The following ANXA8 variants were observed in gnomAD, a reference collection of about 807,000 sequenced individuals.
ANXA8 encodes VAC-beta.
A neutral mutation model predicts 26.8 loss-of-function variants in ANXA8; 9 were observed. The observed-to-expected ratio is 0.34, with a 90% CI of 0.20 to 0.59. The LOEUF is 0.59. Among genes scored for constraint, ANXA8 ranks in the 20% least tolerant of loss-of-function variants. The pLI, the probability that ANXA8 is intolerant of heterozygous loss-of-function variation, is 0.84. For synonymous variants in ANXA8, 39 were observed against 94.8 expected, an observed-to-expected ratio of 0.41 and a Z score of 3.42; for missense variants, 83 against 238.5, an observed-to-expected ratio of 0.35 and a Z score of 4.29.
the ANXA8 span, among the ~76,000 whole-genome samples, chr10:47,682,705 C>T: frequency 6.6e-6 from 1 of 151,880 alleles, no homozygotes; most frequent in Non-Finnish European, 1.5e-5. Flanking sequence ...CTCCTGACCT[C>T]ATGACCTGCC....
At chr10:47,659,533 G>A in the ANXA8 span, among the ~76,000 whole-genome samples, 49 of 151,442 alleles carry the variant, frequency 3.2e-4, 1 homozygote, top group Middle Eastern at 3.4e-3. Context: ...AAAATTAGCC[G>A]GGTGTGGTGG....
the ANXA8 span, among the ~76,000 whole-genome samples, chr10:47,714,249 G>A: frequency 4.6e-5 from 6 of 129,802 alleles, no homozygotes; most frequent in South Asian, 1.5e-3. Flanking sequence ...TTGGTTTTAA[G>A]CAGTAACTTG....
At chr10:47,625,948 C>A in the ANXA8 span, among the ~76,000 whole-genome samples, 25 of 150,648 alleles carry the variant, frequency 1.7e-4, no homozygotes, top group Non-Finnish European at 2.5e-4. Context: ...TCTAAACTCT[C>A]TATATAAGTG....
chr10:47,506,325 T>C, the ANXA8 span, among the ~76,000 whole-genome samples: 1 of 137,290 alleles, frequency 7.3e-6, no homozygotes, highest in Non-Finnish European at 1.6e-5. Flanking sequence ...TAGGTCATCT[T>C]ATTGCTTCTT....
the ANXA8 span, chr10:47,502,873 T>A: frequency 6.2e-7 from 1 of 1,604,778 alleles, no homozygotes. Context: ...GTGCCACGTT[T>A]GGCCAGTGGC....
the ANXA8 span, among the ~76,000 whole-genome samples, chr10:47,743,974 T>A: frequency 1.4e-5 from 2 of 141,776 alleles, no homozygotes; most frequent in African/African-American, 2.6e-5. Context: ...ACTGCAGCAA[T>A]GGAGATGAAC....
At chr10:47,644,607 T>G in the ANXA8 span, among the ~76,000 whole-genome samples, 70 of 152,144 alleles carry the variant, frequency 4.6e-4, no homozygotes, top group Non-Finnish European at 7.1e-4. Flanking sequence ...CGTATGTCTC[T>G]CATCCTAGTA....
chr10:47,502,134 A>G, the ANXA8 span: 1 of 1,572,206 alleles, frequency 6.4e-7, no homozygotes, highest in Non-Finnish European at 8.6e-7. Context: ...TCCTGGCTGG[A>G]GGCCTGCCGG....
At chr10:47,986,682 C>T in the ANXA8 span, 2 of 360,046 alleles carry the variant, frequency 5.6e-6, no homozygotes, top group Non-Finnish European at 1.1e-5. Context: ...TTCAACACAA[C>T]GCGTCACTCC....
the ANXA8 span, among the ~76,000 whole-genome samples, chr10:47,979,388 T>C: frequency 6.6e-6 from 1 of 151,550 alleles, no homozygotes; most frequent in African/African-American, 2.4e-5. Flanking sequence ...GTATATGGAA[T>C]GTTCTCAAGA....
the ANXA8 span, among the ~76,000 whole-genome samples, chr10:47,741,945 ATTC>A: frequency 1.9e-5 from 2 of 103,492 alleles, no homozygotes; most frequent in African/African-American, 3.4e-5. Flanking sequence ...GGTTCAAGCA[ATTC>A]TTCTGCCTCA....
the ANXA8 span, among the ~76,000 whole-genome samples, chr10:47,980,432 A>C: frequency 6.6e-6 from 1 of 151,560 alleles, no homozygotes; most frequent in Non-Finnish European, 1.5e-5. Flanking sequence ...TAGTGGAAAT[A>C]AATAAAACGG....
At chr10:47,470,169 C>A (rs1427366967) in intron 11 of ANXA8, among the ~76,000 whole-genome samples, 1 of 151,854 alleles carries the variant, frequency 6.6e-6, no homozygotes, top group Non-Finnish European at 1.5e-5. Flanking sequence ...AATTTCAATG[C>A]AGGAGTTTTT....
the ANXA8 span, among the ~76,000 whole-genome samples, chr10:47,671,996 T>C: frequency 4.0e-5 from 6 of 151,790 alleles, no homozygotes; most frequent in Non-Finnish European, 8.8e-5. Context: ...TCCTTAGATT[T>C]ACTGTATCAC....
At chr10:47,540,608 T>C in the ANXA8 span, among the ~76,000 whole-genome samples, 1 of 116,166 alleles carries the variant, frequency 8.6e-6, no homozygotes, top group Non-Finnish European at 1.8e-5. Flanking sequence ...TCTGGTTCTG[T>C]CAGAAAGTAA....
chr10:47,960,271 G>A, the ANXA8 span, among the ~76,000 whole-genome samples: 1 of 146,888 alleles, frequency 6.8e-6, no homozygotes, highest in Non-Finnish European at 1.5e-5. Flanking sequence ...TGATTTAGAT[G>A]CCAAAATAGG....
the ANXA8 span, among the ~76,000 whole-genome samples, chr10:47,744,423 T>G: frequency 0.25 from 1,566 of 6,224 alleles, 32 homozygotes; most frequent in Non-Finnish European, 0.28. Flanking sequence ...GGGGGGGGGT[T>G]GGGGGGGAGG....
the ANXA8 span, among the ~76,000 whole-genome samples, chr10:47,529,074 C>A: frequency 0.029 from 3,310 of 113,318 alleles, 62 homozygotes; most frequent in East Asian, 0.16. Flanking sequence ...TCATTACAGA[C>A]AACAATTGGA....
the ANXA8 span, among the ~76,000 whole-genome samples, chr10:47,942,316 GA>G: frequency 2.2e-3 from 327 of 145,770 alleles, 48 homozygotes; most frequent in African/African-American, 8.4e-3. Flanking sequence ...AAATGAAGGG[GA>G]AGCAGGAGAT....
Sources: gnomAD v4.1 joint callset for allele counts (sites outside exome capture counted in the v4.1 genomes callset) on GRCh38, gnomAD v4.1.1 for gene constraint, MANE v1.5 for transcripts, NCBI Gene and HGNC (gene_info 2026-07-23, HGNC 2026-07-21) for gene names.